Variants in TCF4 observed in about 807,000 individuals in gnomAD.
TCF4 encodes transcription factor 4.
TCF4 carries 3 observed loss-of-function variants against 82.1 expected under a neutral mutation model. The observed-to-expected ratio is 0.04, with a 90% CI of 0.02 to 0.09. The LOEUF (loss-of-function observed/expected upper bound fraction) is 0.09. Ranked by LOEUF, TCF4 falls within the 10% of genes least tolerant of loss-of-function variation. TCF4 has a pLI of 1.00. For synonymous variants in TCF4, 276 were observed against 309.6 expected (o/e 0.89, Z 1.14); for missense variants, 518 against 852.7 (o/e 0.61, Z 4.89).
At chr18:55,238,038 G>A (rs2050060956) in intron 15 of TCF4, among the ~76,000 whole-genome samples, 1 of 152,212 alleles carries the variant, frequency 6.6e-6, no homozygotes. Context: ...ACCCATGTCT[G>A]CTTCAAAATG....
chr18:55,321,911 C>G, intron 8 of TCF4: 1 of 1,401,244 alleles, frequency 7.1e-7, no homozygotes, highest in Non-Finnish European at 9.3e-7. Context: ...GAGGCCGCGG[C>G]GCTGCTGTCA....
At chr18:55,301,537 A>C (rs2068280316) in intron 8 of TCF4, among the ~76,000 whole-genome samples, 1 of 152,196 alleles carries the variant, frequency 6.6e-6, no homozygotes, top group East Asian at 1.9e-4. Flanking sequence ...GCTTCTGAAC[A>C]AACAACTAAC....
At chr18:55,613,114 T>C (rs1174472655) in intron 2 of TCF4, among the ~76,000 whole-genome samples, 1 of 152,158 alleles carries the variant, frequency 6.6e-6, no homozygotes, top group Non-Finnish European at 1.5e-5. Flanking sequence ...GTGTCAAATA[T>C]ATTTGACATT....
At chr18:55,349,453 A>C (rs993450282) in intron 8 of TCF4, among the ~76,000 whole-genome samples, 1 of 152,210 alleles carries the variant, frequency 6.6e-6, no homozygotes, top group Admixed American at 6.6e-5. Flanking sequence ...ATATGATTTT[A>C]TATTAAAGTA....
At chr18:55,234,525 G>T in intron 16 of TCF4, 23 bp downstream of exon 16, 1 of 1,614,210 alleles carries the variant, frequency 6.2e-7, no homozygotes, top group East Asian at 2.2e-5. Context: ...GAGGTCAGAA[G>T]TGCCCTGGTG....
chr18:55,410,147 G>A (rs2094284601), intron 5 of TCF4, among the ~76,000 whole-genome samples: 1 of 152,166 alleles, frequency 6.6e-6, no homozygotes, highest in African/African-American at 2.4e-5. Context: ...AAGGGATAAT[G>A]AAAAATGGGC....
In TCF4 at chr18:55,223,719, T is replaced by C. The variant is rs1255665682; in HGVS notation, c.*4316A>G. 1 of 149,768 alleles carries C rather than the reference T, an allele frequency of 6.7e-6. No individual in the cohort carries two copies. Among genetic ancestry groups the C allele is most frequent in the Non-Finnish European group, 1.5e-5 (1 of 66,954 alleles). 9.3% of individuals were successfully genotyped at this position (149,768 alleles called of 1,614,324 possible). A position where few individuals can be genotyped will look rare whatever the true frequency, so the allele number is the denominator to read the frequency against. On this transcript the variant is annotated 3_prime_UTR_variant, in exon 20 of 20. Transcript: ENST00000354452. ...TTTGAAATGTTTTCCCTTTTTTTTT[T>C]TTTAACAATTTTTTTAAGTTTTTAA...
At position 55,234,497 on chromosome 18, in the gene TCF4, T is replaced by C. The variant is rs371813844; in HGVS notation, c.1486+51A>G. ...ACACCAAGAGGCTGGGTATCAACAC[T>C]GGTCCTATTGTGAAAGTGAGGTCAG... On this transcript the variant is annotated intron_variant, in intron 16 of 19. Coordinates refer to ENST00000354452, the MANE Select transcript of TCF4 (RefSeq NM_001083962.2). The C allele has an allele frequency of 1.9e-4, 306 of 1,613,622 alleles. No individual in the cohort carries two copies. In the African/African-American group the frequency reaches 3.5e-3, roughly 19 times the overall value.
chr18:55,486,661 TG>T (rs1327066323), intron 3 of TCF4, among the ~76,000 whole-genome samples: 1 of 151,892 alleles, frequency 6.6e-6, no homozygotes, highest in Admixed American at 6.6e-5. Flanking sequence ...CACAAAGAAG[TG>T]AATTCCAAGG....
chr18:55,252,946 A>G (rs1374693581), intron 15 of TCF4, among the ~76,000 whole-genome samples: 2 of 152,208 alleles, frequency 1.3e-5, no homozygotes, highest in Non-Finnish European at 2.9e-5. Flanking sequence ...AGGCCAAGCT[A>G]AATTAAAATC....
intron 8 of TCF4, among the ~76,000 whole-genome samples, chr18:55,300,879 A>G (rs781053183): frequency 6.6e-6 from 1 of 152,152 alleles, no homozygotes; most frequent in Admixed American, 6.5e-5. Context: ...AGGAGGGTCC[A>G]CTAGCCAAGA....
intron 13 of TCF4, among the ~76,000 whole-genome samples, chr18:55,257,985 C>T (rs1320800298): frequency 6.6e-6 from 1 of 152,054 alleles, no homozygotes; most frequent in Non-Finnish European, 1.5e-5. Context: ...AAAAAGATTG[C>T]TGTTAGAATA....
intron 8 of TCF4, chr18:55,321,855 G>A (rs1171104546): frequency 6.8e-7 from 1 of 1,471,308 alleles, no homozygotes; most frequent in Non-Finnish European, 9.0e-7. Flanking sequence ...CGGGCCAAGC[G>A]TGGTGAATAT....
intron 5 of TCF4, among the ~76,000 whole-genome samples, chr18:55,423,844 CCTGT>C (rs1034296555): frequency 1.3e-5 from 2 of 152,228 alleles, no homozygotes; most frequent in African/African-American, 4.8e-5. Context: ...TCATAATCGC[CCTGT>C]CTTTCTATCT....
intron 5 of TCF4, among the ~76,000 whole-genome samples, chr18:55,416,112 C>T (rs934281915): frequency 1.3e-5 from 2 of 152,024 alleles, no homozygotes; most frequent in African/African-American, 2.4e-5. Flanking sequence ...CAGAAGAGTA[C>T]CTCACAGCTA....
chr18:55,529,753 C>T (rs938121160), intron 3 of TCF4, among the ~76,000 whole-genome samples: 1 of 152,080 alleles, frequency 6.6e-6, no homozygotes, highest in African/African-American at 2.4e-5. Flanking sequence ...AAGTAAATTG[C>T]CAATGTTTAC....
chr18:55,631,506 A>AAC, intron 1 of TCF4: 3 of 1,019,226 alleles, frequency 2.9e-6, no homozygotes, highest in Non-Finnish European at 4.2e-6. Flanking sequence ...GTAATGCCCT[A>AAC]CAGGGATGAA....
intron 6 of TCF4, among the ~76,000 whole-genome samples, chr18:55,360,749 A>T (rs1383704135): frequency 2.9e-5 from 2 of 69,602 alleles, no homozygotes; most frequent in African/African-American, 7.2e-5. Context: ...TTTTTTTTTG[A>T]GAGAAGTCTC....
chr18:55,238,149 C>A lies in TCF4; in HGVS notation c.1351-3466G>T, dbSNP rs1051473949. Among the ~76,000 whole-genome samples the A allele has an allele frequency of 3.3e-4, 50 of 152,292 alleles. 1 individual carries two copies. The highest frequency in any genetic ancestry group is 1.2e-3 in the African/African-American group (49 of 41,568). On this transcript the variant is annotated intron_variant, in intron 15 of 19. Coordinates refer to ENST00000354452, the MANE Select transcript of TCF4 (RefSeq NM_001083962.2). ...CAAGTCAATTCTAAGCATGACATTT[C>A]GTCCCTATTTTTAGAAAATCCATAC...
Sources: gnomAD v4.1 joint callset for allele counts (sites outside exome capture counted in the v4.1 genomes callset) on GRCh38, gnomAD v4.1.1 for gene constraint, MANE v1.5 for transcripts, NCBI Gene and HGNC (gene_info 2026-07-23, HGNC 2026-07-21) for gene names.